EPC2: variants seen among roughly 807,000 people sequenced by gnomAD.
EPC2 encodes the protein enhancer of polycomb 2, also known as enhancer of polycomb homolog 2.
Under a neutral mutation model 92.1 loss-of-function variants are expected in EPC2, and 14 were observed. That is an observed-to-expected ratio of 0.15 (90% confidence interval 0.10 to 0.24). The LOEUF (loss-of-function observed/expected upper bound fraction) is 0.24, where lower values mean the gene tolerates loss of function less well. Ranked by LOEUF, EPC2 falls within the 10% of genes least tolerant of loss-of-function variation. The probability of loss-of-function intolerance (pLI) is 1.00; values close to 1 mark genes in which losing one functional copy is unlikely to be tolerated. For synonymous variants in EPC2, 340 were observed against 334.7 expected (o/e 1.02, Z -0.17); for missense variants, 755 against 971.5 (o/e 0.78, Z 2.96).
Position 148,700,462 on chromosome 2 carries a change from T to A in EPC2, c.313+10089T>A, listed in dbSNP as rs554911792. Among the ~76,000 whole-genome samples the A allele has an allele frequency of 6.6e-5, 10 of 152,054 alleles. No individual in the cohort carries two copies. In the East Asian group the frequency reaches 1.7e-3, roughly 27 times the overall value. ...ATATGGGATGTCACCGTTCTAGCAC[T>A]CGTTGTTGGAAAGACTCCCCCCCTC... On this transcript the variant is annotated intron_variant, in intron 2 of 13. Coordinates refer to ENST00000258484, the MANE Select transcript of EPC2 (RefSeq NM_015630.4).
intron 1 of EPC2, among the ~76,000 whole-genome samples, chr2:148,652,995 AGT>A (rs1680716938): frequency 1.3e-5 from 2 of 151,844 alleles, no homozygotes; most frequent in Admixed American, 1.3e-4. Context: ...TTCTCACTTG[AGT>A]GTGTGTGTAA....
At chr2:148,668,898 A>G (rs1681103234) in intron 1 of EPC2, among the ~76,000 whole-genome samples, 1 of 151,934 alleles carries the variant, frequency 6.6e-6, no homozygotes, top group Admixed American at 6.6e-5. Flanking sequence ...GATTTCTACT[A>G]TGATCTTATT....
intron 1 of EPC2, among the ~76,000 whole-genome samples, chr2:148,662,575 C>G (rs932596607): frequency 2.6e-5 from 4 of 151,958 alleles, no homozygotes; most frequent in Non-Finnish European, 4.4e-5. Context: ...GGACAAAAAA[C>G]CAAACACCGC....
chr2:148,769,386 G>T, intron 8 of EPC2, 146 bp downstream of exon 8: 1 of 626,050 alleles, frequency 1.6e-6, no homozygotes, highest in Non-Finnish European at 2.9e-6. Context: ...GGTAAAAGAT[G>T]CTAAAAGGTA....
chr2:148,739,935 A>G (rs543169369), intron 2 of EPC2, among the ~76,000 whole-genome samples: 4 of 140,740 alleles, frequency 2.8e-5, no homozygotes, highest in East Asian at 2.2e-4. Flanking sequence ...AGCTTTGTCA[A>G]TATCTTAATT....
intron 10 of EPC2, among the ~76,000 whole-genome samples, chr2:148,778,627 A>G (rs1356118956): frequency 6.7e-6 from 1 of 150,058 alleles, no homozygotes; most frequent in African/African-American, 2.5e-5. Flanking sequence ...TGCATTTCAT[A>G]CCACTTTTCC....
At chr2:148,749,226 C>T (rs1428106879) in intron 3 of EPC2, among the ~76,000 whole-genome samples, 2 of 152,064 alleles carry the variant, frequency 1.3e-5, no homozygotes, top group Non-Finnish European at 2.9e-5. Flanking sequence ...GTCCTCATGC[C>T]GGTGGTGTTC....
At chr2:148,755,533 A>G (rs1683172778) in intron 4 of EPC2, among the ~76,000 whole-genome samples, 1 of 152,120 alleles carries the variant, frequency 6.6e-6, no homozygotes, top group Non-Finnish European at 1.5e-5. Flanking sequence ...GATCCCCTAA[A>G]ATTATAATAC....
intron 1 of EPC2, among the ~76,000 whole-genome samples, chr2:148,648,911 C>CA (rs1385061569): frequency 6.6e-6 from 1 of 152,158 alleles, no homozygotes; most frequent in Non-Finnish European, 1.5e-5. Context: ...TCCTTATTAT[C>CA]ATTGTCCTCT....
chr2:148,721,890 CTTTT>C, intron 2 of EPC2, among the ~76,000 whole-genome samples: 12 of 60,774 alleles, frequency 2.0e-4, no homozygotes, highest in Admixed American at 7.3e-4. Flanking sequence ...GTTTTGATTT[CTTTT>C]TTTTTTTTTT....
chr2:148,676,951 C>T (rs1681277397), intron 1 of EPC2, among the ~76,000 whole-genome samples: 1 of 151,858 alleles, frequency 6.6e-6, no homozygotes, highest in African/African-American at 2.4e-5. Context: ...TCACGTAGTG[C>T]CTGTGCTTGA....
At chr2:148,749,265 T>C (rs1683042713) in intron 3 of EPC2, among the ~76,000 whole-genome samples, 1 of 152,132 alleles carries the variant, frequency 6.6e-6, no homozygotes. Context: ...GTTTCCCTAC[T>C]GGATCAGTTC....
At chr2:148,686,762 A>C (rs1269124159) in intron 1 of EPC2, among the ~76,000 whole-genome samples, 1 of 152,208 alleles carries the variant, frequency 6.6e-6, no homozygotes, top group Admixed American at 6.5e-5. Flanking sequence ...GTTGTATTTT[A>C]AACTAATTTT....
At chr2:148,659,447 A>G (rs1680889133) in intron 1 of EPC2, among the ~76,000 whole-genome samples, 1 of 152,156 alleles carries the variant, frequency 6.6e-6, no homozygotes, top group Non-Finnish European at 1.5e-5. Flanking sequence ...CTGAGGAGGT[A>G]TTTTAAAGTT....
chr2:148,732,368 C>T (rs1235103758), intron 2 of EPC2, among the ~76,000 whole-genome samples: 1 of 148,352 alleles, frequency 6.7e-6, no homozygotes, highest in Non-Finnish European at 1.5e-5. Context: ...TGATTCCATT[C>T]TGTTATTTTT....
chr2:148,693,172 A>G (rs939573419), intron 2 of EPC2, among the ~76,000 whole-genome samples: 1 of 152,140 alleles, frequency 6.6e-6, no homozygotes, highest in Non-Finnish European at 1.5e-5. Context: ...ACTTTTTGCT[A>G]AGCCTTTAAG....
At chr2:148,785,574 C>T (rs889051970) in intron 13 of EPC2, among the ~76,000 whole-genome samples, 6 of 152,160 alleles carry the variant, frequency 3.9e-5, no homozygotes, top group Admixed American at 2.6e-4. Flanking sequence ...GATCCACCCG[C>T]CTCAGCCTCC....
At chr2:148,767,008 AC>A (rs1344123041) in intron 7 of EPC2, among the ~76,000 whole-genome samples, 1 of 151,870 alleles carries the variant, frequency 6.6e-6, no homozygotes, top group Non-Finnish European at 1.5e-5. Context: ...ACATGGTGAA[AC>A]CCCATCTTTA....
At chr2:148,698,999 C>A (rs1574589912) in intron 2 of EPC2, among the ~76,000 whole-genome samples, 1 of 151,978 alleles carries the variant, frequency 6.6e-6, no homozygotes, top group East Asian at 1.9e-4. Context: ...TTATATCCTT[C>A]CGTAGTCAGC....
Sources: allele counts gnomAD v4.1 joint callset (sites outside exome capture counted in the v4.1 genomes callset), GRCh38; gene constraint gnomAD v4.1.1; transcripts MANE v1.5; gene names NCBI Gene and HGNC (gene_info 2026-07-23, HGNC 2026-07-21).